Variants in CLIP2 observed in about 807,000 individuals in gnomAD.
CLIP2 encodes the protein CAP-Gly domain-containing linker protein 2.
CLIP2 carries 41 observed loss-of-function variants against 111.7 expected under a neutral mutation model. The ratio of observed to expected loss-of-function variants is 0.37; its 90% CI spans 0.29 to 0.48. The LOEUF is 0.48. Ranked by LOEUF, CLIP2 falls within the 20% of genes least tolerant of loss-of-function variation. The pLI is 0.99. For synonymous variants in CLIP2, 660 were observed against 644.2 expected (o/e 1.02, Z -0.37); for missense variants, 1,160 against 1,422.1 (o/e 0.82, Z 2.96).
chr7:74,338,046 T>C lies in CLIP2; in HGVS notation c.122-402T>C, dbSNP rs1030187393. 4.6e-5 allele frequency among the ~76,000 whole-genome samples: 7 copies of C among 151,956 alleles called. No homozygotes were observed. The highest frequency in any genetic ancestry group is 1.7e-4 in the African/African-American group (7 of 41,360). ...GCAAGACCATGTCTCTACAAAAAAATACAAAAATTAGCCCAGTGTAGTGGC... is the reference window on the plus strand; with the variant it reads ...GCAAGACCATGTCTCTACAAAAAAACACAAAAATTAGCCCAGTGTAGTGGC... On this transcript the variant is annotated intron_variant, in intron 2 of 16. Transcript: ENST00000223398. This position sits in a 1 kb window ranked among gnomAD's most constrained non-coding sequence, Gnocchi z 4.3.
intron 7 of CLIP2, 144 bp from the exon 8 acceptor site, chr7:74,364,111 T>C: frequency 1.5e-6 from 1 of 686,072 alleles, no homozygotes. Context: ...TCTAGAGCTT[T>C]CCAGGACTGT....
chr7:74,313,910 C>T (rs1315755514), intron 1 of CLIP2, among the ~76,000 whole-genome samples: 1 of 151,988 alleles, frequency 6.6e-6, no homozygotes, highest in Admixed American at 6.6e-5. Context: ...AGGCTGGGAG[C>T]AGTGGCTCAT....
At chr7:74,328,657 G>A (rs551969743) in intron 2 of CLIP2, among the ~76,000 whole-genome samples, 14 of 152,176 alleles carry the variant, frequency 9.2e-5, no homozygotes, top group Non-Finnish European at 1.8e-4. Flanking sequence ...GACTTCCTTA[G>A]GTGATCCTAA....
chr7:74,363,613 G>A (rs1314785542), intron 7 of CLIP2, among the ~76,000 whole-genome samples: 3 of 152,178 alleles, frequency 2.0e-5, no homozygotes, highest in Non-Finnish European at 2.9e-5. Context: ...AGCTGGGCGC[G>A]GAGGCTCACG....
At chr7:74,372,770 A>G (rs1396110297) in intron 8 of CLIP2, among the ~76,000 whole-genome samples, 162 bp from the exon 9 acceptor site, 1 of 150,116 alleles carries the variant, frequency 6.7e-6, no homozygotes, top group African/African-American at 2.5e-5. Flanking sequence ...TTCGCTGAGC[A>G]ATTCTGGCTC....
intron 11 of CLIP2, among the ~76,000 whole-genome samples, chr7:74,381,949 T>C (rs1554313980): frequency 6.6e-6 from 1 of 152,228 alleles, no homozygotes; most frequent in Non-Finnish European, 1.5e-5. Context: ...CAGCTGTGGT[T>C]GAAAACCTGT....
intron 3 of CLIP2, among the ~76,000 whole-genome samples, chr7:74,345,606 G>A (rs964475067): frequency 6.6e-6 from 1 of 151,876 alleles, no homozygotes; most frequent in Non-Finnish European, 1.5e-5. Flanking sequence ...GAGGCTGAGG[G>A]TGGGTGGATC....
intron 11 of CLIP2, among the ~76,000 whole-genome samples, chr7:74,383,248 G>C (rs572824818): frequency 2.4e-4 from 37 of 151,730 alleles, no homozygotes; most frequent in African/African-American, 8.7e-4. Flanking sequence ...TTTCCCAAAG[G>C]AATACCCACT....
At chr7:74,292,867 C>T (rs1238785677) in intron 1 of CLIP2, among the ~76,000 whole-genome samples, 5 of 152,230 alleles carry the variant, frequency 3.3e-5, no homozygotes, top group African/African-American at 1.2e-4. Flanking sequence ...ATTCTACCCA[C>T]CCTCTTCGGG....
chr7:74,300,978 C>G (rs1554726736), intron 1 of CLIP2, among the ~76,000 whole-genome samples: 1 of 152,158 alleles, frequency 6.6e-6, no homozygotes, highest in Non-Finnish European at 1.5e-5. Context: ...AAGGGCCATT[C>G]TATGTTCAGT....
At chr7:74,394,536 C>T (rs1554316388) in intron 13 of CLIP2, among the ~76,000 whole-genome samples, 1 of 152,314 alleles carries the variant, frequency 6.6e-6, no homozygotes, top group East Asian at 1.9e-4. Context: ...AGGCGTGGGC[C>T]ACCGCCCCGG....
intron 13 of CLIP2, among the ~76,000 whole-genome samples, chr7:74,389,885 G>A (rs1246482801): frequency 6.7e-6 from 1 of 150,038 alleles, no homozygotes; most frequent in Non-Finnish European, 1.5e-5. Context: ...GGTGACCAGA[G>A]CAAGACTCCA....
chr7:74,311,552 T>A (rs1418256746), intron 1 of CLIP2, among the ~76,000 whole-genome samples: 4 of 152,186 alleles, frequency 2.6e-5, no homozygotes, highest in African/African-American at 9.6e-5. Context: ...TATTCAAACC[T>A]TTCACCCATT....
At chr7:74,384,773 G>T (rs1354767668) in intron 11 of CLIP2, among the ~76,000 whole-genome samples, 9 of 149,252 alleles carry the variant, frequency 6.0e-5, no homozygotes, top group African/African-American at 2.2e-4. Context: ...TTAAATTTTT[G>T]AGGAACTGCC....
chr7:74,356,096 TG>T, intron 4 of CLIP2, among the ~76,000 whole-genome samples: 1 of 152,232 alleles, frequency 6.6e-6, no homozygotes, highest in Non-Finnish European at 1.5e-5. Context: ...TAGATAACTT[TG>T]GGGGATGGAA....
At chr7:74,310,675 C>T (rs1788619544) in intron 1 of CLIP2, among the ~76,000 whole-genome samples, 2 of 151,070 alleles carry the variant, frequency 1.3e-5, no homozygotes, top group Admixed American at 6.6e-5. Context: ...TTTTGCTTCT[C>T]TTGGGTGGTT....
chr7:74,390,691 A>G (rs998544515), intron 13 of CLIP2, among the ~76,000 whole-genome samples: 1 of 142,194 alleles, frequency 7.0e-6, no homozygotes, highest in Admixed American at 7.8e-5. Flanking sequence ...TAATAAGCCA[A>G]TTGCATGTAA....
intron 2 of CLIP2, among the ~76,000 whole-genome samples, chr7:74,318,691 C>T (rs1554729549): frequency 6.6e-6 from 1 of 152,038 alleles, no homozygotes; most frequent in Non-Finnish European, 1.5e-5. Context: ...CCAGCCTGGG[C>T]TACAAGAGTG....
chr7:74,338,785 C>G lies in CLIP2; in HGVS notation c.459C>G (p.Gly153=). The G allele has an allele frequency of 3.1e-6, 5 of 1,610,516 alleles. No individual in the cohort carries two copies. Among genetic ancestry groups the G allele is most frequent in the African/African-American group, 2.7e-5 (2 of 75,042 alleles). The change falls in exon 3 of 17, where the codon GGC becomes GGG. Residue 153 remains glycine (G), a synonymous_variant. Coordinates refer to ENST00000223398, the MANE Select transcript of CLIP2 (RefSeq NM_003388.5). This position sits in a 1 kb window ranked among gnomAD's most constrained non-coding sequence, Gnocchi z 4.3. The stretch of plus-strand genomic sequence containing the variant: ...TGACCCGGCAGCCCACGGCCGAGGG[C>G]TCGGGGAGTGATGCCCACTCCGTGG... ...SKLTRQPTAE[G]SGSDAHSVES...
Sources: gnomAD v4.1 joint callset for allele counts (sites outside exome capture counted in the v4.1 genomes callset) on GRCh38, gnomAD v4.1.1 for gene constraint, Gnocchi (gnomAD v3.1) non-coding constraint, MANE v1.5 for transcripts, NCBI Gene and HGNC (gene_info 2026-07-23, HGNC 2026-07-21) for gene names.